The following WIPI2 variants were observed in gnomAD, a reference collection of about 807,000 sequenced individuals.
WIPI2 encodes WD repeat domain phosphoinositide-interacting protein 2.
A neutral mutation model predicts 52.3 loss-of-function variants in WIPI2; 28 were observed. The ratio of observed to expected loss-of-function variants is 0.54; its 90% CI spans 0.40 to 0.73. The LOEUF is 0.73. Among genes scored for constraint, WIPI2 ranks in the 30% least tolerant of loss-of-function variants. WIPI2 has a pLI of 0.00. For synonymous variants in WIPI2, 268 were observed against 245.0 expected (o/e 1.09, Z -0.88); for missense variants, 506 against 602.9 (o/e 0.84, Z 1.68).
At chr7:5,199,688 TAAA>T (rs200973486) in intron 3 of WIPI2, 30 bp downstream of exon 3, 417 of 1,305,576 alleles carry the variant, frequency 3.2e-4, no homozygotes, top group Admixed American at 8.9e-4. Flanking sequence ...TTCCCCTTCT[TAAA>T]AAAAAAAAAA....
chr7:5,214,433 C>T, intron 3 of WIPI2, 102 bp from the exon 4 acceptor site: 3 of 1,612,296 alleles, frequency 1.9e-6, no homozygotes, highest in South Asian at 1.1e-5. Flanking sequence ...GCGCTGTGCC[C>T]TGCGTGTCGC....
At chr7:5,211,967 G>A (rs928358117) in intron 3 of WIPI2, among the ~76,000 whole-genome samples, 1 of 152,198 alleles carries the variant, frequency 6.6e-6, no homozygotes, top group African/African-American at 2.4e-5. Flanking sequence ...GAGCACTTCT[G>A]CCTCTTGGAT....
In WIPI2 at chr7:5,227,426, C is replaced by G; in HGVS notation, c.1013+82C>G. ...AGTCCTGGCGGCTTGTGGCCCCTTC[C>G]GTGCTTCTGAACAGGAGCAGCTTCT... On this transcript the variant is annotated intron_variant, in intron 10 of 12. Transcript: ENST00000288828. This position sits in a 1 kb window ranked among gnomAD's most constrained non-coding sequence, Gnocchi z 8.1. 6.5e-7 allele frequency: 1 copy of G among 1,538,766 alleles called. No individual in the cohort carries two copies. Among genetic ancestry groups the G allele is most frequent in the Non-Finnish European group, 8.7e-7 (1 of 1,145,880 alleles).
At chr7:5,228,255 G>A (rs771361196) in intron 11 of WIPI2, 44 bp downstream of exon 11, 31 of 1,541,948 alleles carry the variant, frequency 2.0e-5, no homozygotes, top group Middle Eastern at 3.8e-4. Flanking sequence ...CCGTGCTGGC[G>A]GGGGGCTTTC....
chr7:5,218,092 T>A, intron 7 of WIPI2, 78 bp downstream of exon 7: 2 of 1,476,732 alleles, frequency 1.4e-6, no homozygotes, highest in Non-Finnish European at 1.9e-6. Context: ...CACAGCCACC[T>A]TAGAGGCAAG....
At chr7:5,223,302 C>T (rs1021011303) in intron 8 of WIPI2, among the ~76,000 whole-genome samples, 3 of 152,142 alleles carry the variant, frequency 2.0e-5, no homozygotes, top group African/African-American at 7.2e-5. Flanking sequence ...CCGTGGTCGG[C>T]GGGACCCCAC....
chr7:5,190,410 G>A lies in WIPI2; in HGVS notation c.-10G>A. ...CTCCCCGGCCGGGCCCACTCGCCGC[G>A]CGCCCAGCCATGAACCTGGCGAGCC... On this transcript the variant is annotated 5_prime_UTR_variant, in exon 1 of 13. Transcript: ENST00000288828. 2.1e-6 allele frequency: 3 copies of A among 1,400,840 alleles called. No homozygotes were observed. Among genetic ancestry groups the A allele is most frequent in the Non-Finnish European group, 2.8e-6 (3 of 1,071,220 alleles). 86.8% of individuals were successfully genotyped at this position (1,400,840 alleles called of 1,614,324 possible).
intron 9 of WIPI2, chr7:5,226,340 G>A (rs572660752): frequency 3.2e-4 from 62 of 193,746 alleles, no homozygotes; most frequent in Middle Eastern, 2.1e-3. Context: ...ATTTATTATC[G>A]CAATGAATGT....
intron 3 of WIPI2, among the ~76,000 whole-genome samples, chr7:5,201,131 C>T (rs1163414768): frequency 1.3e-5 from 2 of 152,216 alleles, no homozygotes; most frequent in African/African-American, 2.4e-5. Flanking sequence ...GTGAGCCACA[C>T]GGGATTGCTC....
At chr7:5,229,932 T>C (rs1783645774) in intron 12 of WIPI2, among the ~76,000 whole-genome samples, 194 bp downstream of exon 12, 1 of 146,728 alleles carries the variant, frequency 6.8e-6, no homozygotes, top group Admixed American at 6.8e-5. Context: ...TCGTTTCCTT[T>C]TTTTTTTTTT....
chr7:5,221,020 G>C (rs1783098092), intron 7 of WIPI2, among the ~76,000 whole-genome samples: 1 of 144,332 alleles, frequency 6.9e-6, no homozygotes, highest in Non-Finnish European at 1.5e-5. Context: ...CTCAAGTGCA[G>C]TGGTATGATC....
chr7:5,215,755 A>AAAATTGTAAAGCATAC (rs149498531), intron 4 of WIPI2, among the ~76,000 whole-genome samples: 16,854 of 152,258 alleles, frequency 0.11, 978 homozygotes, highest in Middle Eastern at 0.14. Flanking sequence ...TGAGCATTTA[A>AAAATTGTAAAGCATAC]AAATTGTGTT....
chr7:5,218,119 C>T lies in WIPI2; in HGVS notation c.669+105C>T, dbSNP rs189707355. 3,162 of 1,231,760 alleles carry T rather than the reference C, an allele frequency of 2.6e-3. 64 individuals are homozygous for T. The highest frequency in any genetic ancestry group is 3.3e-3 in the East Asian group (140 of 42,250). The allele number at this position is 1,231,760 out of a possible 1,614,324, so 76.3% of individuals were successfully genotyped here. ...AGAGGCAAGGTCCTATACTTACCAG[C>T]TCCGGGAGAAGCAAAGACAGCCACC... On this transcript the variant is annotated intron_variant, in intron 7 of 12. Transcript: ENST00000288828.
chr7:5,215,200 A>C (rs879844432), intron 4 of WIPI2, among the ~76,000 whole-genome samples: 1 of 152,054 alleles, frequency 6.6e-6, no homozygotes, highest in African/African-American at 2.4e-5. Context: ...AATCCCGGCT[A>C]CTCGGGAGGC....
intron 3 of WIPI2, among the ~76,000 whole-genome samples, chr7:5,203,473 T>G (rs1782131159): frequency 6.6e-6 from 1 of 152,228 alleles, no homozygotes; most frequent in Admixed American, 6.5e-5. Flanking sequence ...ACATTCTTTT[T>G]TAAATCAAGT....
At chr7:5,199,427 C>G (rs927621227) in intron 2 of WIPI2, 149 bp from the exon 3 acceptor site, 2 of 644,818 alleles carry the variant, frequency 3.1e-6, no homozygotes, top group Admixed American at 2.9e-5. Flanking sequence ...GCACTTGATA[C>G]AAACAGTGTG....
chr7:5,207,375 G>T (rs1211472866), intron 3 of WIPI2, among the ~76,000 whole-genome samples: 1 of 152,122 alleles, frequency 6.6e-6, no homozygotes, highest in Non-Finnish European at 1.5e-5. Context: ...TTCTACTGTA[G>T]ATTAGTTTTG....
At chr7:5,191,214 G>A (rs1318428812) in intron 1 of WIPI2, among the ~76,000 whole-genome samples, 1 of 152,032 alleles carries the variant, frequency 6.6e-6, no homozygotes, top group African/African-American at 2.4e-5. Context: ...TAGAGACAGG[G>A]TTTCACCATG....
At chr7:5,205,061 C>T (rs1176089555) in intron 3 of WIPI2, among the ~76,000 whole-genome samples, 1 of 150,484 alleles carries the variant, frequency 6.6e-6, no homozygotes, top group African/African-American at 2.4e-5. Flanking sequence ...CTGCAGCCTC[C>T]GCCTCCTGGG....
Sources: gnomAD v4.1 joint callset for allele counts (sites outside exome capture counted in the v4.1 genomes callset) on GRCh38, gnomAD v4.1.1 for gene constraint, Gnocchi (gnomAD v3.1) non-coding constraint, MANE v1.5 for transcripts, NCBI Gene and HGNC (gene_info 2026-07-23, HGNC 2026-07-21) for gene names.